The following PCYT1B variants were observed in gnomAD, a reference collection of about 807,000 sequenced individuals.
The protein encoded by PCYT1B is choline-phosphate cytidylyltransferase B.
In PCYT1B, 10 loss-of-function variants were observed where a neutral mutation model predicts 26.4. That is an observed-to-expected ratio of 0.38 (90% confidence interval 0.23 to 0.64). The LOEUF is 0.64. Ranked by LOEUF, PCYT1B falls within the 30% of genes least tolerant of loss-of-function variation. PCYT1B has a pLI of 0.56. For missense variants in PCYT1B, 161 were observed against 292.7 expected, an observed-to-expected ratio of 0.55 and a Z score of 3.28; for synonymous variants, 131 against 108.4, an observed-to-expected ratio of 1.21 and a Z score of -1.29.
intron 1 of PCYT1B, among the ~76,000 whole-genome samples, chrX:24,666,348 G>T (rs1466079390): frequency 9.0e-6 from 1 of 111,263 alleles, no homozygotes; most frequent in Non-Finnish European, 1.9e-5. Flanking sequence ...TATAGAACAA[G>T]AAGATATATG....
At position 24,598,292 on chromosome X, in the gene PCYT1B, T is replaced by C. The variant is rs767377959; in HGVS notation, c.335-8118A>G. Among the ~76,000 whole-genome samples the C allele has an allele frequency of 1.4e-3, 162 of 112,006 alleles. 2 individuals are homozygous for C. The highest frequency in any genetic ancestry group is 5.0e-3 in the African/African-American group (154 of 30,969). On this transcript the variant is annotated intron_variant, in intron 3 of 7. Coordinates refer to ENST00000379144, the MANE Select transcript of PCYT1B (RefSeq NM_004845.5). ...CTCATTGTCTATAATGTTTATTTTC[T>C]ACCTCTTTATAACAAAAAATAAAAT...
chrX:24,629,007 A>C (rs898714844), intron 1 of PCYT1B, among the ~76,000 whole-genome samples: 3 of 111,830 alleles, frequency 2.7e-5, no homozygotes, highest in Non-Finnish European at 5.6e-5. Context: ...GTATGAAAGC[A>C]CCTATCTTGC....
intron 1 of PCYT1B, among the ~76,000 whole-genome samples, chrX:24,653,328 A>T (rs1926824912): frequency 9.0e-6 from 1 of 111,145 alleles, no homozygotes; most frequent in African/African-American, 3.3e-5. Flanking sequence ...AACTGCCAGC[A>T]CCTGCATCTC....
intron 1 of PCYT1B, among the ~76,000 whole-genome samples, chrX:24,638,102 T>TGTC (rs397732929): frequency 9.0e-6 from 1 of 110,810 alleles, no homozygotes; most frequent in Non-Finnish European, 1.9e-5. Flanking sequence ...TTACCGTTGT[T>TGTC]ATTTTTCTTA....
chrX:24,562,768 C>T (rs1260831035), intron 7 of PCYT1B, among the ~76,000 whole-genome samples: 2 of 106,948 alleles, frequency 1.9e-5, no homozygotes, highest in African/African-American at 6.9e-5. Context: ...CGCTCTGTCA[C>T]CCAAGCTGGA....
intron 4 of PCYT1B, 50 bp downstream of exon 4, chrX:24,589,973 C>G (rs752670720): frequency 9.4e-7 from 1 of 1,067,090 alleles, no homozygotes; most frequent in Non-Finnish European, 1.3e-6. Flanking sequence ...GGCTGCAGAA[C>G]CAGACTCCCT....
intron 7 of PCYT1B, among the ~76,000 whole-genome samples, chrX:24,562,855 G>A (rs1193020869): frequency 9.1e-6 from 1 of 109,332 alleles, no homozygotes; most frequent in Non-Finnish European, 1.9e-5. Context: ...AGCCTCCCAA[G>A]TAGCTGGGAT....
At chrX:24,563,438 G>A (rs1923504827) in intron 7 of PCYT1B, among the ~76,000 whole-genome samples, 2 of 111,956 alleles carry the variant, frequency 1.8e-5, no homozygotes, top group African/African-American at 3.2e-5. Context: ...AGCATGGAAC[G>A]CACACCCAGG....
chrX:24,562,791 G>A (rs1276758954), intron 7 of PCYT1B, among the ~76,000 whole-genome samples: 1 of 105,994 alleles, frequency 9.4e-6, no homozygotes, highest in Non-Finnish European at 1.9e-5. Context: ...GCAGTGGCAT[G>A]ATCTTGGCTC....
intron 1 of PCYT1B, among the ~76,000 whole-genome samples, chrX:24,671,252 G>T (rs1017901530): frequency 2.7e-5 from 3 of 111,025 alleles, no homozygotes; most frequent in African/African-American, 9.8e-5. Flanking sequence ...TTACAGGTGT[G>T]AGCCACTGTG....
At chrX:24,643,253 C>T (rs771218195) in intron 1 of PCYT1B, among the ~76,000 whole-genome samples, 1 of 105,272 alleles carries the variant, frequency 9.5e-6, no homozygotes, top group Admixed American at 1.1e-4. Context: ...ACAGTCCTTG[C>T]TCAGAGGAGT....
chrX:24,567,219 G>C (rs1428245508), intron 7 of PCYT1B, among the ~76,000 whole-genome samples: 3 of 112,283 alleles, frequency 2.7e-5, no homozygotes, highest in Admixed American at 1.9e-4. Context: ...GTCTACTATA[G>C]TTTGAATCAA....
At chrX:24,577,807 G>A (rs780254822) in intron 6 of PCYT1B, among the ~76,000 whole-genome samples, 9 of 111,807 alleles carry the variant, frequency 8.0e-5, no homozygotes, top group East Asian at 2.8e-4. Context: ...CTGTATGTAC[G>A]GAGGGTTCTT....
intron 1 of PCYT1B, among the ~76,000 whole-genome samples, chrX:24,619,887 G>A (rs1925645395): frequency 9.0e-6 from 1 of 111,635 alleles, no homozygotes; most frequent in African/African-American, 3.3e-5. Context: ...TTTTTAGTCA[G>A]CCTCTTAAAA....
intron 3 of PCYT1B, among the ~76,000 whole-genome samples, chrX:24,596,099 T>A (rs139853923): frequency 0.024 from 2,682 of 112,012 alleles, 79 homozygotes; most frequent in African/African-American, 0.08. Flanking sequence ...CTTTAAAAAT[T>A]TTTTTAGGGA....
chrX:24,577,105 C>A (rs1323511100), intron 6 of PCYT1B, among the ~76,000 whole-genome samples: 4 of 111,299 alleles, frequency 3.6e-5, no homozygotes, highest in Non-Finnish European at 7.5e-5. Context: ...TCTCCCTGAC[C>A]TGAAGGACCT....
At position 24,558,159 on chromosome X, in the gene PCYT1B, G is replaced by A. The variant is rs1375843476; in HGVS notation, c.*4134C>T. The A allele has an allele frequency of 8.9e-6, 1 of 112,007 alleles. No individual in the cohort carries two copies. Among genetic ancestry groups the A allele is most frequent in the East Asian group, 2.8e-4 (1 of 3,554 alleles). The allele number at this position is 112,007 out of a possible 1,213,427, so 9.2% of individuals were successfully genotyped here. A position where few individuals can be genotyped will look rare whatever the true frequency, so the allele number is the denominator to read the frequency against. ...TCCATTTGAGAGCAAGAATGGGATA[G>A]GAGCAGGGGGGCAGGGGGCGCGCAG... is the stretch of plus-strand genomic sequence containing the variant. On this transcript the variant is annotated 3_prime_UTR_variant, in exon 8 of 8. Coordinates refer to ENST00000379144, the MANE Select transcript of PCYT1B (RefSeq NM_004845.5).
At chrX:24,625,160 A>T (rs1025722523) in intron 1 of PCYT1B, among the ~76,000 whole-genome samples, 2 of 112,467 alleles carry the variant, frequency 1.8e-5, no homozygotes, top group African/African-American at 6.5e-5. Flanking sequence ...ATGCAAAAAA[A>T]GATAAGAACA....
intron 1 of PCYT1B, among the ~76,000 whole-genome samples, chrX:24,627,549 G>A (rs1476368082): frequency 1.8e-5 from 2 of 111,657 alleles, no homozygotes; most frequent in African/African-American, 6.5e-5. Flanking sequence ...GGTCTCGAAC[G>A]CCTGACCTCA....
Sources: gnomAD v4.1 joint callset for allele counts (sites outside exome capture counted in the v4.1 genomes callset) on GRCh38, gnomAD v4.1.1 for gene constraint, MANE v1.5 for transcripts, NCBI Gene and HGNC (gene_info 2026-07-23, HGNC 2026-07-21) for gene names.